Variants in SPOCK1 observed in about 807,000 individuals in gnomAD.
SPOCK1 encodes the protein SPARC (osteonectin), cwcv and kazal like domains proteoglycan 1.
In SPOCK1, 23 loss-of-function variants were observed where a neutral mutation model predicts 55.3. That is an observed-to-expected ratio of 0.42 (90% CI 0.30 to 0.59). The LOEUF (loss-of-function observed/expected upper bound fraction) is 0.59, where lower values mean the gene tolerates loss of function less well. Ranked by LOEUF, SPOCK1 falls within the 20% of genes least tolerant of loss-of-function variation. The pLI is 0.22. For missense variants in SPOCK1, 499 were observed against 552.5 expected, an observed-to-expected ratio of 0.90 and a Z score of 0.97; for synonymous variants, 226 against 221.0, an observed-to-expected ratio of 1.02 and a Z score of -0.20.
At chr5:136,998,666 G>A (rs1028206241) in intron 6 of SPOCK1, among the ~76,000 whole-genome samples, 3 of 152,226 alleles carry the variant, frequency 2.0e-5, no homozygotes, top group African/African-American at 7.2e-5. Flanking sequence ...GTAGCTAGCT[G>A]AGCAATATAG....
chr5:137,181,806 G>A (rs139117061), intron 3 of SPOCK1, among the ~76,000 whole-genome samples: 5 of 152,284 alleles, frequency 3.3e-5, no homozygotes, highest in African/African-American at 7.2e-5. Flanking sequence ...AATCTAAATC[G>A]GGCTGGGCAG....
intron 3 of SPOCK1, among the ~76,000 whole-genome samples, chr5:137,144,004 G>C (rs1396839871): frequency 1.3e-5 from 2 of 152,160 alleles, no homozygotes; most frequent in African/African-American, 4.8e-5. Context: ...ATATTCTTAA[G>C]AGGCTTTGGG....
At chr5:137,103,075 C>T (rs1561610056) in intron 5 of SPOCK1, among the ~76,000 whole-genome samples, 1 of 152,156 alleles carries the variant, frequency 6.6e-6, no homozygotes, top group Non-Finnish European at 1.5e-5. Flanking sequence ...ACTGCAACCT[C>T]TGCCTCCCAG....
intron 2 of SPOCK1, among the ~76,000 whole-genome samples, chr5:137,467,242 A>G (rs1283421658): frequency 6.6e-6 from 1 of 152,232 alleles, no homozygotes; most frequent in Non-Finnish European, 1.5e-5. Flanking sequence ...GCAATATTCT[A>G]CTGGCTAGAG....
intron 2 of SPOCK1, among the ~76,000 whole-genome samples, chr5:137,445,072 C>T (rs1337752304): frequency 6.6e-6 from 1 of 152,150 alleles, no homozygotes; most frequent in Non-Finnish European, 1.5e-5. Context: ...GAGAACGAGG[C>T]AGAGCATCAG....
chr5:137,066,937 C>G (rs1047670996), intron 6 of SPOCK1, among the ~76,000 whole-genome samples: 4 of 146,998 alleles, frequency 2.7e-5, no homozygotes, highest in Non-Finnish European at 6.0e-5. Context: ...CATTACAAAT[C>G]ACTCCTAGAT....
At chr5:137,151,826 A>G (rs1247203486) in intron 3 of SPOCK1, among the ~76,000 whole-genome samples, 1 of 152,176 alleles carries the variant, frequency 6.6e-6, no homozygotes, top group Non-Finnish European at 1.5e-5. Flanking sequence ...TGAGCTACAA[A>G]GCATTTGCAG....
At chr5:137,267,415 C>G (rs1010776516) in intron 2 of SPOCK1, among the ~76,000 whole-genome samples, 1 of 152,142 alleles carries the variant, frequency 6.6e-6, no homozygotes, top group Admixed American at 6.6e-5. Flanking sequence ...TATGATTAAG[C>G]CTCTGTGTTT....
chr5:137,010,955 G>C (rs1751336962), intron 6 of SPOCK1, among the ~76,000 whole-genome samples: 1 of 152,102 alleles, frequency 6.6e-6, no homozygotes, highest in Admixed American at 6.5e-5. Flanking sequence ...TGTACACCTA[G>C]CTTGTTTTGC....
chr5:137,068,374 A>G (rs1043852797), intron 5 of SPOCK1, among the ~76,000 whole-genome samples: 3 of 152,214 alleles, frequency 2.0e-5, no homozygotes, highest in African/African-American at 7.2e-5. Flanking sequence ...CCAAAACCTA[A>G]GTTTACACGG....
chr5:137,457,957 C>G (rs1186943726), intron 2 of SPOCK1, among the ~76,000 whole-genome samples: 2 of 152,062 alleles, frequency 1.3e-5, no homozygotes, highest in African/African-American at 4.8e-5. Flanking sequence ...ATAAAGAAAA[C>G]AGTGGCAGCC....
intron 3 of SPOCK1, among the ~76,000 whole-genome samples, chr5:137,163,549 G>GT (rs1754596751): frequency 6.6e-6 from 1 of 152,188 alleles, no homozygotes; most frequent in Non-Finnish European, 1.5e-5. Context: ...GGATACAAAT[G>GT]TATGTGCAGG....
At chr5:137,324,395 A>T (rs2127148352) in intron 2 of SPOCK1, among the ~76,000 whole-genome samples, 1 of 152,276 alleles carries the variant, frequency 6.6e-6, no homozygotes, top group African/African-American at 2.4e-5. Flanking sequence ...CAGTGAGCCA[A>T]GATCACACCA....
At chr5:137,406,520 C>A (rs1752103112) in intron 2 of SPOCK1, among the ~76,000 whole-genome samples, 1 of 152,222 alleles carries the variant, frequency 6.6e-6, no homozygotes, top group African/African-American at 2.4e-5. Flanking sequence ...CTGTCACCAT[C>A]AGCAGAAAGC....
In SPOCK1 at chr5:137,322,768, C is replaced by A. The variant is rs564816288; in HGVS notation, c.187-55713G>T. ...AAAACACTAAGAGACAGGCAGAAAA[C>A]AAAGTGCATTTTAGTCCATTTTAGT... On this transcript the variant is annotated intron_variant, in intron 2 of 10. Transcript: ENST00000394945. Among the ~76,000 whole-genome samples the A allele has an allele frequency of 2.0e-5, 3 of 151,746 alleles. No individual in the cohort carries two copies. In the South Asian group the frequency reaches 6.2e-4, roughly 32 times the overall value.
rs57182879 is a variant in SPOCK1 at position 137,474,132 on chromosome 5, C to T, written c.186+24241G>A. 5.1e-3 allele frequency among the ~76,000 whole-genome samples: 769 copies of T among 152,116 alleles called. 5 individuals carry two copies. The highest frequency in any genetic ancestry group is 0.02 in the Middle Eastern group (6 of 294). ...AGCGAGGGATAAAAGACTATGTATA[C>T]GGTGCAGCGTATGGTGCACCAGGAT... On this transcript the variant is annotated intron_variant, in intron 2 of 10. Coordinates refer to ENST00000394945, the MANE Select transcript of SPOCK1 (RefSeq NM_004598.4).
At position 137,022,665 on chromosome 5, in the gene SPOCK1, A is replaced by G. The variant is rs114854773; in HGVS notation, c.590-30065T>C. Among the ~76,000 whole-genome samples, 1,214 of 152,328 alleles carry G rather than the reference A, an allele frequency of 8.0e-3. 11 individuals are homozygous for G. Among genetic ancestry groups the G allele is most frequent in the African/African-American group, 0.023 (974 of 41,574 alleles). On this transcript the variant is annotated intron_variant, in intron 6 of 10. Transcript: ENST00000394945. ...GTGAGCTTCAATTTCCCTAAGCGAA[A>G]AAAAGTGTCGATTTATATCAATTTA...
intron 2 of SPOCK1, among the ~76,000 whole-genome samples, chr5:137,483,063 T>C (rs146655683): frequency 0.012 from 1,769 of 152,372 alleles, 32 homozygotes; most frequent in African/African-American, 0.04. Flanking sequence ...CTGGGCATGG[T>C]GGCTCACGCC....
intron 3 of SPOCK1, among the ~76,000 whole-genome samples, chr5:137,244,001 T>G (rs920310512): frequency 6.6e-6 from 1 of 152,174 alleles, no homozygotes; most frequent in African/African-American, 2.4e-5. Flanking sequence ...TGGCCCTCTT[T>G]CCCAACAGTG....
Sources: allele counts gnomAD v4.1 joint callset (sites outside exome capture counted in the v4.1 genomes callset), GRCh38; gene constraint gnomAD v4.1.1; transcripts MANE v1.5; gene names NCBI Gene and HGNC (gene_info 2026-07-23, HGNC 2026-07-21).